POFUT3: variants seen among roughly 807,000 people sequenced by gnomAD.
POFUT3 encodes the protein protein O-fucosyltransferase 3.
At chr8:33,444,647 G>A in the POFUT3 span, among the ~76,000 whole-genome samples, 23 of 151,860 alleles carry the variant, frequency 1.5e-4, no homozygotes, top group East Asian at 3.9e-4. Context: ...GGGAAACACC[G>A]TCTTTACTAA....
chr8:33,332,497 A>C, the POFUT3 span, among the ~76,000 whole-genome samples: 238 of 151,162 alleles, frequency 1.6e-3, 3 homozygotes, highest in African/African-American at 5.2e-3. Context: ...AGAAAAAAAA[A>C]AAAAGAAGAA....
chr8:33,326,883 C>T, the POFUT3 span, among the ~76,000 whole-genome samples: 4 of 152,190 alleles, frequency 2.6e-5, no homozygotes, highest in Admixed American at 6.5e-5. Flanking sequence ...GCTTATCAGT[C>T]CTTCCACTCA....
At chr8:33,436,459 T>C in the POFUT3 span, 1 of 1,432,178 alleles carries the variant, frequency 7.0e-7, no homozygotes, top group South Asian at 1.1e-5. Context: ...GTTGCCCACA[T>C]GCAACTTGGT....
chr8:33,452,423 T>C, the POFUT3 span: 1 of 152,140 alleles, frequency 6.6e-6, no homozygotes, highest in Non-Finnish European at 1.5e-5. Context: ...GCTTTACTTA[T>C]GATGAACAAT....
the POFUT3 span, among the ~76,000 whole-genome samples, chr8:33,384,001 A>T: frequency 6.6e-6 from 1 of 152,006 alleles, no homozygotes. Context: ...CCAGGAACTT[A>T]ACCTGACAGT....
the POFUT3 span, among the ~76,000 whole-genome samples, chr8:33,453,714 G>C: frequency 1.8e-3 from 269 of 152,250 alleles, 1 homozygote; most frequent in Middle Eastern, 6.8e-3. Flanking sequence ...AGGGGGGCAA[G>C]GTGGAAGGAT....
At chr8:33,372,879 T>C in the POFUT3 span, 2 of 1,350,222 alleles carry the variant, frequency 1.5e-6, no homozygotes, top group African/African-American at 1.5e-5. Flanking sequence ...CAACAGACTT[T>C]CCTTAAAACA....
At chr8:33,445,622 G>A in the POFUT3 span, among the ~76,000 whole-genome samples, 1 of 152,152 alleles carries the variant, frequency 6.6e-6, no homozygotes, top group Admixed American at 6.6e-5. Context: ...CAACACAGAA[G>A]AGGCCTGGCA....
the POFUT3 span, chr8:33,461,387 C>T: frequency 6.2e-7 from 1 of 1,610,862 alleles, no homozygotes; most frequent in Admixed American, 1.7e-5. Flanking sequence ...GTGTGACAAG[C>T]AGAAAGACGG....
the POFUT3 span, chr8:33,451,636 G>A: frequency 6.6e-6 from 1 of 151,740 alleles, no homozygotes; most frequent in Non-Finnish European, 1.5e-5. Flanking sequence ...GTGTATACGT[G>A]TATATGTGTA....
At chr8:33,402,766 T>C in the POFUT3 span, among the ~76,000 whole-genome samples, 1 of 152,196 alleles carries the variant, frequency 6.6e-6, no homozygotes, top group Non-Finnish European at 1.5e-5. Context: ...TTTTCTTTTA[T>C]TTAAATTATT....
chr8:33,402,287 C>T, the POFUT3 span, among the ~76,000 whole-genome samples: 1 of 152,080 alleles, frequency 6.6e-6, no homozygotes, highest in Non-Finnish European at 1.5e-5. Flanking sequence ...CAACCGAATG[C>T]TTTTTTTGAA....
the POFUT3 span, among the ~76,000 whole-genome samples, chr8:33,379,988 ATAG>A: frequency 1.4e-4 from 12 of 85,082 alleles, 1 homozygote; most frequent in African/African-American, 5.8e-4. Flanking sequence ...CTCTATATAT[ATAG>A]TATATATATA....
At chr8:33,409,858 T>C in the POFUT3 span, among the ~76,000 whole-genome samples, 1 of 152,072 alleles carries the variant, frequency 6.6e-6, no homozygotes, top group Admixed American at 6.5e-5. Flanking sequence ...TGAGCGGAGA[T>C]TGCGCCACTG....
the POFUT3 span, among the ~76,000 whole-genome samples, chr8:33,391,512 T>C: frequency 2.0e-5 from 3 of 152,146 alleles, no homozygotes; most frequent in South Asian, 4.1e-4. Context: ...ATCATTAAGA[T>C]AGAGAAACAT....
chr8:33,355,217 C>T, the POFUT3 span, among the ~76,000 whole-genome samples: 4 of 152,094 alleles, frequency 2.6e-5, no homozygotes, highest in Admixed American at 1.3e-4. Flanking sequence ...ATTTATATTC[C>T]AATATCAATA....
At chr8:33,403,271 C>CGTGTGTGT in the POFUT3 span, among the ~76,000 whole-genome samples, 10 of 147,454 alleles carry the variant, frequency 6.8e-5, no homozygotes, top group Admixed American at 1.3e-4. Flanking sequence ...ATGGTGTGTG[C>CGTGTGTGT]GTGTGTGTGT....
chr8:33,419,350 G>A, the POFUT3 span, among the ~76,000 whole-genome samples: 1 of 152,194 alleles, frequency 6.6e-6, no homozygotes, highest in Non-Finnish European at 1.5e-5. Context: ...GGGGTGGTGG[G>A]GGATTGGTTT....
chr8:33,394,915 G>A, the POFUT3 span, among the ~76,000 whole-genome samples: 1 of 152,206 alleles, frequency 6.6e-6, no homozygotes, highest in Non-Finnish European at 1.5e-5. Context: ...AAAGAGCACA[G>A]AGTCAGCTTA....
Sources: gnomAD v4.1 joint callset for allele counts (sites outside exome capture counted in the v4.1 genomes callset) on GRCh38, gnomAD v4.1.1 for gene constraint, MANE v1.5 for transcripts, NCBI Gene and HGNC (gene_info 2026-07-23, HGNC 2026-07-21) for gene names.